HECW1: variants seen among roughly 807,000 people sequenced by gnomAD.
HECW1 encodes E3 ubiquitin-protein ligase HECW1.
A neutral mutation model predicts 182.3 loss-of-function variants in HECW1; 61 were observed. The ratio of observed to expected loss-of-function variants is 0.33; its 90% CI spans 0.27 to 0.41. HECW1 has a LOEUF of 0.41. Ranked by LOEUF, HECW1 falls within the 10% of genes least tolerant of loss-of-function variation. The pLI is 1.00. For missense variants in HECW1, 1,739 were observed against 2,108.9 expected (o/e 0.82, Z 3.44); for synonymous variants, 859 against 832.6 (o/e 1.03, Z -0.55).
intron 16 of HECW1, among the ~76,000 whole-genome samples, chr7:43,477,670 T>A (rs2078269149): frequency 6.6e-6 from 1 of 152,216 alleles, no homozygotes; most frequent in African/African-American, 2.4e-5. Context: ...TCACAAATAT[T>A]GATTCACATG....
Position 43,407,641 on chromosome 7 carries a change from A to G in HECW1, c.711A>G (p.Lys237=). 1 of 1,613,968 alleles carries G rather than the reference A, an allele frequency of 6.2e-7. No individual in the cohort carries two copies. The highest frequency in any genetic ancestry group is 8.5e-7 in the Non-Finnish European group (1 of 1,179,862). Reference sequence around the variant, plus strand: ...TGAAGATTTCCATTCAGCCTGGGAAACACAGCATCTTCCCCGCCCTCCCTC... The same window carrying G: ...TGAAGATTTCCATTCAGCCTGGGAAGCACAGCATCTTCCCCGCCCTCCCTC... The part of the protein sequence containing the change: ...PYLKISIQPG[K]HSIFPALPHH... The change falls in exon 8 of 30, where the codon AAA becomes AAG. Residue 237 remains lysine (K), a synonymous_variant. Coordinates refer to ENST00000395891, the MANE Select transcript of HECW1 (RefSeq NM_015052.5).
chr7:43,231,482 G>A lies in HECW1; in HGVS notation c.-31-12393G>A, dbSNP rs529101405. On this transcript the variant is annotated intron_variant, in intron 2 of 29. Coordinates refer to ENST00000395891, the MANE Select transcript of HECW1 (RefSeq NM_015052.5). ...CAGTTAGGGAACTTAGTGCCTTCAC[G>A]GAGACTCACTGCTTGCCAGCTAAAG... 7.2e-5 allele frequency among the ~76,000 whole-genome samples: 11 copies of A among 152,286 alleles called. No homozygotes were observed. In the South Asian group the frequency reaches 8.3e-4, roughly 11 times the overall value.
intron 3 of HECW1, chr7:43,248,864 T>A (rs1021093183): frequency 6.6e-6 from 1 of 152,244 alleles, no homozygotes; most frequent in Non-Finnish European, 1.5e-5. Context: ...AGGGGCTGAA[T>A]CTGTGTGCAT....
intron 14 of HECW1, among the ~76,000 whole-genome samples, chr7:43,464,829 GTC>G (rs2077709005): frequency 6.6e-6 from 1 of 152,066 alleles, no homozygotes; most frequent in African/African-American, 2.4e-5. Flanking sequence ...TGAAGACAGA[GTC>G]TCTCTTTTTC....
chr7:43,422,443 A>C (rs1349937057), intron 8 of HECW1, among the ~76,000 whole-genome samples: 1 of 149,740 alleles, frequency 6.7e-6, no homozygotes, highest in Non-Finnish European at 1.5e-5. Flanking sequence ...GCTCACTGCA[A>C]CCTCCGTCTC....
intron 5 of HECW1, among the ~76,000 whole-genome samples, chr7:43,327,971 T>TATTATTATTATTATTATTATTATC (rs1811008974): frequency 6.7e-6 from 1 of 148,770 alleles, no homozygotes; most frequent in African/African-American, 2.5e-5. Context: ...ATATTATTAT[T>TATTATTATTATTATTATTATTATC]ATTATTATTA....
chr7:43,327,687 G>C (rs1810970321), intron 5 of HECW1, among the ~76,000 whole-genome samples: 1 of 152,108 alleles, frequency 6.6e-6, no homozygotes, highest in Non-Finnish European at 1.5e-5. Flanking sequence ...CATCCCCTGG[G>C]TAGAGGAAGG....
chr7:43,234,131 A>C (rs1798108880), intron 2 of HECW1, among the ~76,000 whole-genome samples: 1 of 152,220 alleles, frequency 6.6e-6, no homozygotes, highest in African/African-American at 2.4e-5. Context: ...CCGCCCTGCC[A>C]GTGACAGCTC....
chr7:43,442,388 C>G, intron 9 of HECW1, 141 bp from the exon 10 acceptor site: 1 of 615,352 alleles, frequency 1.6e-6, no homozygotes. Context: ...TAAGGACTTC[C>G]TTACAGTTTT....
intron 24 of HECW1, among the ~76,000 whole-genome samples, chr7:43,513,703 T>C (rs1585148679): frequency 6.6e-6 from 1 of 152,306 alleles, no homozygotes; most frequent in Non-Finnish European, 1.5e-5. Flanking sequence ...TTTTTTGCTT[T>C]TGGTCAGGAT....
intron 2 of HECW1, among the ~76,000 whole-genome samples, chr7:43,150,590 G>T (rs906549649): frequency 4.6e-5 from 7 of 152,142 alleles, no homozygotes; most frequent in African/African-American, 1.7e-4. Flanking sequence ...TTCTGGCCAG[G>T]CTTGTTTTGA....
intron 7 of HECW1, among the ~76,000 whole-genome samples, chr7:43,401,397 C>A (rs1356261994): frequency 6.6e-6 from 1 of 152,046 alleles, no homozygotes; most frequent in Non-Finnish European, 1.5e-5. Flanking sequence ...AACACATAAT[C>A]AGTGTTTTTG....
chr7:43,136,892 G>A (rs1787600297), intron 2 of HECW1, among the ~76,000 whole-genome samples: 1 of 152,146 alleles, frequency 6.6e-6, no homozygotes, highest in African/African-American at 2.4e-5. Flanking sequence ...TGATCCCACT[G>A]TTTTCAAGGC....
intron 2 of HECW1, among the ~76,000 whole-genome samples, chr7:43,141,236 G>A (rs1788118230): frequency 6.6e-6 from 1 of 152,092 alleles, no homozygotes; most frequent in South Asian, 2.1e-4. Flanking sequence ...CACTGAGTGG[G>A]GTCATTAGGA....
intron 3 of HECW1, among the ~76,000 whole-genome samples, chr7:43,244,423 T>C (rs1300944214): frequency 6.6e-6 from 1 of 152,198 alleles, no homozygotes; most frequent in Non-Finnish European, 1.5e-5. Flanking sequence ...GGAAGTACTT[T>C]CCACCAGCTC....
chr7:43,198,563 TAC>T (rs1191052881), intron 2 of HECW1, among the ~76,000 whole-genome samples: 6 of 135,442 alleles, frequency 4.4e-5, no homozygotes, highest in Non-Finnish European at 9.5e-5. Flanking sequence ...ACCCTTCACT[TAC>T]ACACATTCAC....
intron 6 of HECW1, among the ~76,000 whole-genome samples, chr7:43,365,268 A>C (rs934468736): frequency 1.3e-5 from 2 of 152,230 alleles, no homozygotes; most frequent in African/African-American, 4.8e-5. Context: ...CTGCTCCCAC[A>C]CCTGGTTTAT....
At position 43,238,498 on chromosome 7, in the gene HECW1, G is replaced by T. The variant is rs138038510; in HGVS notation, c.-31-5377G>T. On this transcript the variant is annotated intron_variant, in intron 2 of 29. Coordinates refer to ENST00000395891, the MANE Select transcript of HECW1 (RefSeq NM_015052.5). ...AGAACTGTTCCTCTAGGGACAAACT[G>T]GATCTTTGGACCAGTCTATCTACAA... Among the ~76,000 whole-genome samples the T allele has an allele frequency of 2.1e-3, 316 of 152,300 alleles. 2 individuals carry two copies. The Middle Eastern group carries it at 0.024, about 11-fold the overall frequency.
Position 43,180,757 on chromosome 7 carries a change from G to A in HECW1, c.-31-63118G>A, listed in dbSNP as rs186726435. On this transcript the variant is annotated intron_variant, in intron 2 of 29. Coordinates refer to ENST00000395891, the MANE Select transcript of HECW1 (RefSeq NM_015052.5). Reference sequence around the variant, plus strand: ...ACATGTTTATGAAGTACAATGTGATGTCTCAGTACATGTGCACATTGTTTA... The same window carrying A: ...ACATGTTTATGAAGTACAATGTGATATCTCAGTACATGTGCACATTGTTTA... Among the ~76,000 whole-genome samples, 635 of 152,320 alleles carry A rather than the reference G, an allele frequency of 4.2e-3. 19 individuals are homozygous for A. Among genetic ancestry groups the A allele is most frequent in the Admixed American group, 0.034 (523 of 15,302 alleles).
Sources: gnomAD v4.1 joint callset for allele counts (sites outside exome capture counted in the v4.1 genomes callset) on GRCh38, gnomAD v4.1.1 for gene constraint, MANE v1.5 for transcripts, NCBI Gene and HGNC (gene_info 2026-07-23, HGNC 2026-07-21) for gene names.